Variants in FNDC1 observed in about 807,000 individuals in gnomAD.
FNDC1 encodes fibronectin type III domain containing 1.
A neutral mutation model predicts 168.0 loss-of-function variants in FNDC1; 96 were observed. The observed-to-expected ratio is 0.57, with a 90% CI of 0.48 to 0.68. The LOEUF (loss-of-function observed/expected upper bound fraction) is 0.68. FNDC1 is among the 30% of genes least tolerant of loss of function. The probability of loss-of-function intolerance (pLI) is 0.00; values close to 1 mark genes in which losing one functional copy is unlikely to be tolerated. For synonymous variants in FNDC1, 1,099 were observed against 1,025.9 expected, an observed-to-expected ratio of 1.07 and a Z score of -1.36; for missense variants, 2,587 against 2,482.1, an observed-to-expected ratio of 1.04 and a Z score of -0.90.
rs2114907775 is a variant in FNDC1 at position 159,169,744 on chromosome 6, C to T, written c.109+39C>T. 1 of 845,442 alleles carries T rather than the reference C, an allele frequency of 1.2e-6. No individual in the cohort carries two copies. The highest frequency in any genetic ancestry group is 1.5e-6 in the Non-Finnish European group (1 of 659,806). 52.4% of individuals were successfully genotyped at this position (845,442 alleles called of 1,614,324 possible). On this transcript the variant is annotated intron_variant, in intron 1 of 22. Transcript: ENST00000297267. The surrounding 1 kb of genome is among the most constrained non-coding windows in gnomAD (Gnocchi z 6.8). ...CCGGGCCCCCGGCGCTCCTCAGCTC[C>T]CCGCGCACCCTCCTGCGCTCGGGCC...
rs750211634 is a variant in FNDC1 at position 159,233,468 on chromosome 6, T to C, written c.2956T>C (p.Ser986Pro). 4 of 1,606,232 alleles carry C rather than the reference T, an allele frequency of 2.5e-6. No homozygotes were observed. Among genetic ancestry groups the C allele is most frequent in the Non-Finnish European group, 3.4e-6 (4 of 1,178,796 alleles). The change falls in exon 11 of 23, where the codon TCA becomes CCA. Residue 986 changes from serine to proline, a missense_variant. By Grantham distance (74) the Ser-to-Pro change is moderately conservative. Coordinates refer to ENST00000297267, the MANE Select transcript of FNDC1 (RefSeq NM_032532.3). This position sits in a 1 kb window ranked among gnomAD's most constrained non-coding sequence, Gnocchi z 4.6. ...ASPARPPAARSQQHPSVPRRM... is the reference protein window; with the variant it reads ...ASPARPPAARPQQHPSVPRRM... Reference sequence around the variant, plus strand: ...CCCTGCTCGTCCGCCCGCAGCACGGTCACAGCAGCATCCCAGTGTTCCCAG... The same window carrying C: ...CCCTGCTCGTCCGCCCGCAGCACGGCCACAGCAGCATCCCAGTGTTCCCAG...
chr6:159,185,420 G>A (rs1781974119), intron 1 of FNDC1, among the ~76,000 whole-genome samples: 1 of 152,202 alleles, frequency 6.6e-6, no homozygotes, highest in Admixed American at 6.5e-5. Context: ...AGGTAGCAGT[G>A]GGTTGGGCTG....
chr6:159,177,415 A>C (rs1409915887), intron 1 of FNDC1, among the ~76,000 whole-genome samples: 1 of 152,072 alleles, frequency 6.6e-6, no homozygotes, highest in African/African-American at 2.4e-5. Flanking sequence ...TCTGGAGATG[A>C]AGTCTCATCC....
rs751949006 is a variant in FNDC1, at chr6:159,249,102, C to A, written c.4754C>A (p.Pro1585Gln). The A allele has an allele frequency of 6.2e-7, 1 of 1,608,156 alleles. No homozygotes were observed. Among genetic ancestry groups the A allele is most frequent in the South Asian group, 1.1e-5 (1 of 89,468 alleles). The change falls in exon 16 of 23, where the codon CCG (proline) becomes CAG (glutamine). Residue 1585 changes from proline (P) to glutamine (Q), a missense_variant. By Grantham distance (76) the Pro-to-Gln change is moderately conservative. Transcript: ENST00000297267. ...GAGCCTTCGACCACTGCTACCACAC[C>A]GAGGGTGATCCCAGAGGAAGGCGCC... Reference protein sequence around the residue: ...TTEPSTTATTPRVIPEEGAIS... With the variant: ...TTEPSTTATTQRVIPEEGAIS...
chr6:159,236,630 A>C (rs1445301873), intron 12 of FNDC1, among the ~76,000 whole-genome samples: 1 of 152,236 alleles, frequency 6.6e-6, no homozygotes, highest in Non-Finnish European at 1.5e-5. Flanking sequence ...ATGGCCGTTC[A>C]AAGGAACTTA....
At chr6:159,252,214 A>G (rs294896) in intron 17 of FNDC1, among the ~76,000 whole-genome samples, 132,920 of 152,260 alleles carry the variant, frequency 0.87, 58,067 homozygotes, top group East Asian at 0.99. Context: ...TCTGTGAATA[A>G]TTGCAAATTT....
Position 159,239,767 on chromosome 6 carries a change from CACCACCCGCCGCACGACCA to C in FNDC1, c.4432_4450del (p.Thr1478ProfsTer43). On this transcript the variant is annotated frameshift_variant, in exon 14 of 23. Transcript: ENST00000297267. LOFTEE classifies it high-confidence loss of function. ...CCACTGCCACCACCCGCCGCACGACCACCACCCGCCGCACGACCACCAGGCGTCCAACAACCACAGTCCG... is the reference window on the plus strand; with the variant it reads ...CCACTGCCACCACCCGCCGCACGACCCCAGGCGTCCAACAACCACAGTCCG... 1 of 1,513,344 alleles carries C rather than the reference CACCACCCGCCGCACGACCA, an allele frequency of 6.6e-7. No homozygotes were observed. 93.7% of individuals were successfully genotyped at this position (1,513,344 alleles called of 1,614,324 possible).
Position 159,233,536 on chromosome 6 carries a change from T to C in FNDC1, c.3024T>C (p.Pro1008=), listed in dbSNP as rs568361015. The change falls in exon 11 of 23, where the codon CCT becomes CCC. Residue 1008 remains proline, a synonymous_variant. Coordinates refer to ENST00000297267, the MANE Select transcript of FNDC1 (RefSeq NM_032532.3). The surrounding 1 kb of genome is among the most constrained non-coding windows in gnomAD (Gnocchi z 4.6). ...PGRAPQQQPP[P]PVATSQHHPG... ...GGGCCCCACAACAGCAGCCCCCTCC[T>C]CCCGTCGCCACGTCCCAGCACCACC... The C allele has an allele frequency of 1.3e-6, 2 of 1,596,086 alleles. No individual in the cohort carries two copies. Among genetic ancestry groups the C allele is most frequent in the Admixed American group, 3.4e-5 (2 of 58,534 alleles).
chr6:159,214,575 T>G (rs1004949094), intron 4 of FNDC1, among the ~76,000 whole-genome samples: 5 of 152,214 alleles, frequency 3.3e-5, no homozygotes, highest in Non-Finnish European at 7.3e-5. Flanking sequence ...AATGTCTCTC[T>G]GCTATATTTT....
At chr6:159,228,683 A>G (rs146520628) in intron 9 of FNDC1, among the ~76,000 whole-genome samples, 2 of 151,414 alleles carry the variant, frequency 1.3e-5, no homozygotes, top group Admixed American at 1.3e-4. Flanking sequence ...TTTTCTTTTT[A>G]TTTTATTTTT....
intron 19 of FNDC1, among the ~76,000 whole-genome samples, chr6:159,262,803 A>T (rs1777512573): frequency 6.6e-6 from 1 of 152,152 alleles, no homozygotes; most frequent in African/African-American, 2.4e-5. Context: ...GCCCCACCCT[A>T]CCCTCTGAAT....
At chr6:159,193,867 A>G (rs182134361) in intron 1 of FNDC1, among the ~76,000 whole-genome samples, 164 of 152,282 alleles carry the variant, frequency 1.1e-3, no homozygotes, top group African/African-American at 3.4e-3. Context: ...CGGCAAACCA[A>G]TAGAGGTCAT....
chr6:159,197,404 G>A (rs1372139601), intron 1 of FNDC1, 27 bp from the exon 2 acceptor site: 76 of 1,571,026 alleles, frequency 4.8e-5, no homozygotes, highest in Non-Finnish European at 6.5e-5. Context: ...TTATTGCCAT[G>A]AGTTGATAGT....
chr6:159,169,606 G>A lies in FNDC1; in HGVS notation c.10G>A (p.Glu4Lys), dbSNP rs1413138107. The change falls in exon 1 of 23, where the codon GAG becomes AAG. Residue 4 changes from glutamate to lysine, a missense_variant. By Grantham distance (56) the Glu-to-Lys change is moderately conservative (BLOSUM62 1). Coordinates refer to ENST00000297267, the MANE Select transcript of FNDC1 (RefSeq NM_032532.3). This position sits in a 1 kb window ranked among gnomAD's most constrained non-coding sequence, Gnocchi z 6.8. MAP[E>K]AGATLRAPRR... is the part of the protein sequence containing the mutation. ...CCACCCCGGGCTCTCGATGGCCCCCGAGGCCGGGGCGACCCTGCGCGCGCC... is the reference window on the plus strand; with the variant it reads ...CCACCCCGGGCTCTCGATGGCCCCCAAGGCCGGGGCGACCCTGCGCGCGCC... The A allele has an allele frequency of 7.1e-6, 8 of 1,120,730 alleles. No individual in the cohort carries two copies. The African/African-American group carries it at 9.9e-5, about 14-fold the overall frequency. 69.4% of individuals were successfully genotyped at this position (1,120,730 alleles called of 1,614,324 possible).
At chr6:159,226,749 G>A (rs1414799608) in intron 9 of FNDC1, among the ~76,000 whole-genome samples, 169 bp downstream of exon 9, 1 of 152,202 alleles carries the variant, frequency 6.6e-6, no homozygotes, top group East Asian at 1.9e-4. Context: ...CAAGATCCAA[G>A]CAGTCACGAA....
chr6:159,180,132 G>C (rs1399363476), intron 1 of FNDC1, among the ~76,000 whole-genome samples: 3 of 152,206 alleles, frequency 2.0e-5, no homozygotes. Flanking sequence ...TCTGGAATCT[G>C]TAGGGCCAGT....
intron 5 of FNDC1, among the ~76,000 whole-genome samples, chr6:159,220,191 G>T (rs1031615006): frequency 6.6e-6 from 1 of 152,186 alleles, no homozygotes; most frequent in African/African-American, 2.4e-5. Flanking sequence ...TTCTACAGCA[G>T]CTCACTGTCC....
intron 19 of FNDC1, 127 bp from the exon 20 acceptor site, chr6:159,264,848 C>A: frequency 3.0e-6 from 2 of 674,310 alleles, no homozygotes; most frequent in Non-Finnish European, 4.9e-6. Context: ...AAAACGTTGG[C>A]ATCTATCAAA....
At chr6:159,173,099 A>G (rs951212253) in intron 1 of FNDC1, among the ~76,000 whole-genome samples, 3 of 152,260 alleles carry the variant, frequency 2.0e-5, no homozygotes, top group African/African-American at 7.2e-5. Context: ...ATAAGGATAG[A>G]TAAAACTCAC....
Sources: gnomAD v4.1 joint callset for allele counts (sites outside exome capture counted in the v4.1 genomes callset) on GRCh38, gnomAD v4.1.1 for gene constraint, Gnocchi (gnomAD v3.1) non-coding constraint, MANE v1.5 for transcripts, NCBI Gene and HGNC (gene_info 2026-07-23, HGNC 2026-07-21) for gene names.